Variants in HEATR4 observed in about 807,000 individuals in gnomAD.
The protein encoded by HEATR4 is HEAT repeat-containing protein 4.
Under a neutral mutation model 108.8 loss-of-function variants are expected in HEATR4, and 95 were observed. The observed-to-expected ratio is 0.87, with a 90% CI of 0.74 to 1.04. The LOEUF is 1.04. Ranked by LOEUF, HEATR4 falls within the 50% of genes least tolerant of loss-of-function variation. The pLI, the probability that HEATR4 is intolerant of heterozygous loss-of-function variation, is 0.00. For missense variants in HEATR4, 1,152 were observed against 1,253.8 expected (o/e 0.92, Z 1.23); for synonymous variants, 443 against 459.4 (o/e 0.96, Z 0.46).
At chr14:73,601,939 T>TA in the HEATR4 span, among the ~76,000 whole-genome samples, 3 of 151,814 alleles carry the variant, frequency 2.0e-5, no homozygotes, top group African/African-American at 7.2e-5. Context: ...TTTTTTTTTT[T>TA]AATCTTATTT....
the HEATR4 span, chr14:73,633,523 G>A: frequency 1.3e-5 from 2 of 152,146 alleles, no homozygotes; most frequent in Admixed American, 6.6e-5. Context: ...TCTTAATCCA[G>A]GACAAAGATT....
At chr14:73,627,203 G>A in the HEATR4 span, among the ~76,000 whole-genome samples, 1 of 151,576 alleles carries the variant, frequency 6.6e-6, no homozygotes, top group Non-Finnish European at 1.5e-5. Context: ...TCTATCCCTG[G>A]TGCAATTCTC....
the HEATR4 span, chr14:73,633,807 T>A: frequency 6.6e-6 from 1 of 152,316 alleles, no homozygotes. Context: ...AGCCCGTTGC[T>A]AAGTGGCGCC....
At chr14:73,572,486 A>G in the HEATR4 span, among the ~76,000 whole-genome samples, 1 of 151,886 alleles carries the variant, frequency 6.6e-6, no homozygotes, top group Non-Finnish European at 1.5e-5. Context: ...ACATAATCTA[A>G]GTGGTAATAC....
At chr14:73,615,233 A>G in the HEATR4 span, among the ~76,000 whole-genome samples, 1 of 147,828 alleles carries the variant, frequency 6.8e-6, no homozygotes, top group Non-Finnish European at 1.5e-5. Context: ...TAAAAATACA[A>G]AAAATTAGCC....
intron 17 of HEATR4, among the ~76,000 whole-genome samples, chr14:73,490,143 G>C (rs1595080218): frequency 6.6e-6 from 1 of 152,232 alleles, no homozygotes; most frequent in East Asian, 1.9e-4. Flanking sequence ...CTTGTTTTTT[G>C]AGACAAGAGT....
Position 73,532,813 on chromosome 14 carries a change from G to A in HEATR4, c.-151-2569C>T, listed in dbSNP as rs542117158. Among the ~76,000 whole-genome samples the A allele has an allele frequency of 2.9e-4, 33 of 112,984 alleles. 12 individuals carry two copies. The East Asian group carries it at 0.021, about 72-fold the overall frequency. 74.1% of individuals were successfully genotyped at this position (112,984 alleles called of 152,430 possible). On this transcript the variant is annotated intron_variant, in intron 1 of 17. Transcript: ENST00000553558. The stretch of plus-strand genomic sequence containing the variant: ...ACTAAAACATACAAAAAAATTAGCC[G>A]GGTGTGGTGGTGGGCACCTGTAGTC...
upstream of HEATR4, among the ~76,000 whole-genome samples, chr14:73,560,278 C>G (rs1191675121): frequency 6.6e-5 from 10 of 152,028 alleles, no homozygotes; most frequent in Admixed American, 2.0e-4. Context: ...TGCTGCTGAC[C>G]AACCTGAATA....
chr14:73,606,609 A>C, the HEATR4 span, among the ~76,000 whole-genome samples: 1 of 152,158 alleles, frequency 6.6e-6, no homozygotes, highest in Non-Finnish European at 1.5e-5. Flanking sequence ...GTGGTTACAA[A>C]ACTGCCAATA....
At chr14:73,628,792 C>T in the HEATR4 span, among the ~76,000 whole-genome samples, 229 of 151,922 alleles carry the variant, frequency 1.5e-3, no homozygotes, top group Non-Finnish European at 2.3e-3. Flanking sequence ...TGGCTCATGC[C>T]GGTAATCCTA....
chr14:73,491,493 A>T, intron 17 of HEATR4: 2 of 1,506,176 alleles, frequency 1.3e-6, no homozygotes, highest in Non-Finnish European at 1.8e-6. Context: ...GCGGCCGTCC[A>T]GTCGTCCGGG....
chr14:73,494,787 C>T (rs1886000758), intron 16 of HEATR4, among the ~76,000 whole-genome samples: 1 of 152,092 alleles, frequency 6.6e-6, no homozygotes, highest in Non-Finnish European at 1.5e-5. Context: ...TTTTGAACTC[C>T]TGGCCTGGGG....
intron 1 of HEATR4, among the ~76,000 whole-genome samples, chr14:73,542,798 TA>T (rs1347037248): frequency 3.6e-5 from 4 of 111,850 alleles, no homozygotes; most frequent in African/African-American, 9.1e-5. Context: ...TCATGGGAGA[TA>T]ATGAGATTAA....
At chr14:73,623,056 G>C in the HEATR4 span, among the ~76,000 whole-genome samples, 6 of 151,890 alleles carry the variant, frequency 4.0e-5, no homozygotes, top group African/African-American at 1.5e-4. Context: ...ATACAGGCAT[G>C]CACCACCATG....
rs748298379 is a variant in HEATR4 at position 73,520,983 on chromosome 14, C to T, written c.938G>A (p.Ser313Asn). 1.4e-5 allele frequency: 22 copies of T among 1,613,622 alleles called. No individual in the cohort carries two copies. In the African/African-American group the frequency reaches 2.9e-4, roughly 22 times the overall value. Reference protein sequence around the residue: ...ETVEIMPGNKSTEDIHEKTSL... With the variant: ...ETVEIMPGNKNTEDIHEKTSL... ...CGTCTTTTCATGGATATCCTCAGTG[C>T]TCTTGTTGCCAGGCATGATCTCAAC... Residue 313 changes from serine (S) to asparagine (N), a missense_variant, in exon 4 of 18, where the codon AGC (serine) becomes AAC (asparagine). By Grantham distance (46) the Ser-to-Asn change is conservative (BLOSUM62 1). Coordinates refer to ENST00000553558, the MANE Select transcript of HEATR4 (RefSeq NM_001220484.1).
the HEATR4 span, chr14:73,596,572 A>G: frequency 2.0e-5 from 3 of 152,074 alleles, no homozygotes; most frequent in Non-Finnish European, 4.4e-5. Flanking sequence ...TGTCTCCTTG[A>G]CATTGACACT....
upstream of HEATR4, among the ~76,000 whole-genome samples, chr14:73,560,362 G>A (rs985339276): frequency 9.2e-5 from 14 of 152,008 alleles, no homozygotes; most frequent in Non-Finnish European, 1.8e-4. Context: ...TACGTTTTCT[G>A]TTATGAAAAG....
the HEATR4 span, chr14:73,592,152 G>C: frequency 6.3e-7 from 1 of 1,594,282 alleles, no homozygotes; most frequent in South Asian, 1.1e-5. Context: ...CCTGGAGCGC[G>C]CACCCGCGCT....
At chr14:73,519,299 C>T in intron 4 of HEATR4, 136 bp from the exon 5 acceptor site, 4 of 725,058 alleles carry the variant, frequency 5.5e-6, no homozygotes, top group Non-Finnish European at 8.8e-6. Context: ...CTGCCATACT[C>T]TGGGGCATCC....
Sources: gnomAD v4.1 joint callset for allele counts (sites outside exome capture counted in the v4.1 genomes callset) on GRCh38, gnomAD v4.1.1 for gene constraint, MANE v1.5 for transcripts, NCBI Gene and HGNC (gene_info 2026-07-23, HGNC 2026-07-21) for gene names.